C19orf25: variants seen among roughly 807,000 people sequenced by gnomAD.
The protein encoded by C19orf25 is chromosome 19 open reading frame 25.
Under a neutral mutation model 3.1 loss-of-function variants are expected in C19orf25, and 1 was observed. The observed-to-expected ratio is 0.32, with a 90% CI of 0.12 to 1.54. C19orf25 has a LOEUF of 1.54. Among genes scored for constraint, C19orf25 ranks in the 40% most tolerant of loss-of-function variants. C19orf25 has a pLI of 0.38. For synonymous variants in C19orf25, 91 were observed against 74.3 expected, an observed-to-expected ratio of 1.23 and a Z score of -1.16; for missense variants, 196 against 160.4, an observed-to-expected ratio of 1.22 and a Z score of -1.20.
rs749945455 is a variant in C19orf25 at position 1,475,282 on chromosome 19, ACTGC to A, written c.131-28_131-25del. ...GTCTGAGACAGGACACAGCAGCATC[ACTGC>A]CTGCTGACCACCCCATCCTCCTGGG... On this transcript the variant is annotated intron_variant, in intron 2 of 2. Coordinates refer to ENST00000585675, the MANE Select transcript of C19orf25 (RefSeq NM_152482.3). 1.2e-4 allele frequency: 178 copies of A among 1,524,740 alleles called. No homozygotes were observed. The African/African-American group carries it at 2.1e-3, about 18-fold the overall frequency. 94.5% of individuals were successfully genotyped at this position (1,524,740 alleles called of 1,614,324 possible).
chr19:1,477,208 G>C (rs979461545), intron 2 of C19orf25, among the ~76,000 whole-genome samples: 1 of 151,840 alleles, frequency 6.6e-6, no homozygotes, highest in Non-Finnish European at 1.5e-5. Flanking sequence ...CACCATGTTG[G>C]CCAGGGTGGC....
intron 2 of C19orf25, chr19:1,478,300 G>A (rs1168108968): frequency 9.8e-6 from 2 of 203,156 alleles, no homozygotes; most frequent in Non-Finnish European, 2.0e-5. Flanking sequence ...GAGTGCAGTG[G>A]TGCGATCTCG....
intron 2 of C19orf25, chr19:1,478,523 CTCA>C: frequency 8.3e-7 from 1 of 1,207,050 alleles, no homozygotes; most frequent in Non-Finnish European, 1.1e-6. Context: ...ATCCTCCCGC[CTCA>C]TCCTCCGAAA....
chr19:1,476,775 C>G (rs537740997), intron 2 of C19orf25, among the ~76,000 whole-genome samples: 1 of 152,160 alleles, frequency 6.6e-6, no homozygotes, highest in Non-Finnish European at 1.5e-5. Context: ...TGCCACCACA[C>G]CCAGCTAGTT....
rs370220473 is a variant in C19orf25, at chr19:1,475,165, C to T, written c.224G>A (p.Arg75Gln). Residue 75 changes from arginine (R) to glutamine (Q), a missense_variant, in exon 3 of 3, where the codon CGG becomes CAG. Transcript: ENST00000585675. ...CAGCACGTTGCCCGCCTGCTGCAGC[C>T]GCTGGTTGGCAGCCACGTAGGCCCG... is the stretch of plus-strand genomic sequence containing the variant. ...QSRAYVAANQRLQQAGNVLRQ... is the reference protein window; with the variant it reads ...QSRAYVAANQQLQQAGNVLRQ... 40 of 1,580,342 alleles carry T rather than the reference C, an allele frequency of 2.5e-5. No homozygotes were observed. Among genetic ancestry groups the T allele is most frequent in the African/African-American group, 6.7e-5 (5 of 74,100 alleles).
Position 1,474,786 on chromosome 19 carries a change from T to C in C19orf25, c.*246A>G, listed in dbSNP as rs1275940780. 3.5e-6 allele frequency: 5 copies of C among 1,436,092 alleles called. No individual in the cohort carries two copies. Among genetic ancestry groups the C allele is most frequent in the East Asian group, 2.5e-5 (1 of 39,910 alleles). 89.0% of individuals were successfully genotyped at this position (1,436,092 alleles called of 1,614,324 possible). ...AATCACAGTACAGCAATAATGTCCC[T>C]ATCCTCTTCCAGAACCCCAGTGGGG... On this transcript the variant is annotated 3_prime_UTR_variant, in exon 3 of 3. Transcript: ENST00000585675.
chr19:1,476,016 C>T (rs2084201967), intron 2 of C19orf25: 2 of 395,052 alleles, frequency 5.1e-6, no homozygotes, highest in Non-Finnish European at 8.9e-6. Context: ...GTGCAACCTC[C>T]TGGAGCACAC....
At chr19:1,476,546 G>A in intron 2 of C19orf25, 1 of 368,736 alleles carries the variant, frequency 2.7e-6, no homozygotes, top group Non-Finnish European at 4.8e-6. Context: ...TCCAGATGAT[G>A]CGCACACCTC....
At position 1,474,826 on chromosome 19, in the gene C19orf25, A is replaced by G; in HGVS notation, c.*206T>C. On this transcript the variant is annotated 3_prime_UTR_variant, in exon 3 of 3. Transcript: ENST00000585675. ...CCCCAGTGGGGCCCTCAGGTCACGC[A>G]GGACGGAGCCAGCTGGGTGGGTCCC... is the stretch of plus-strand genomic sequence containing the variant. 6.9e-7 allele frequency: 1 copy of G among 1,453,284 alleles called. No individual in the cohort carries two copies. Among genetic ancestry groups the G allele is most frequent in the Non-Finnish European group, 9.1e-7 (1 of 1,104,422 alleles). 90.0% of individuals were successfully genotyped at this position (1,453,284 alleles called of 1,614,324 possible).
chr19:1,474,865 G>A lies in C19orf25; in HGVS notation c.*167C>T, dbSNP rs1330029864. 2.0e-6 allele frequency: 3 copies of A among 1,488,516 alleles called. No homozygotes were observed. The highest frequency in any genetic ancestry group is 1.4e-5 in the African/African-American group (1 of 71,670). The allele number at this position is 1,488,516 out of a possible 1,614,324, so 92.2% of individuals were successfully genotyped here. A position where few individuals can be genotyped will look rare whatever the true frequency, so the allele number is the denominator to read the frequency against. The stretch of plus-strand genomic sequence containing the variant: ...TGGGTGGGTCCCACCAACTCGGCAT[G>A]AATGAGACGACGGATGAACCGCAGC... On this transcript the variant is annotated 3_prime_UTR_variant, in exon 3 of 3. Transcript: ENST00000585675.
Position 1,474,785 on chromosome 19 carries a change from CT to C in C19orf25, c.*246del, listed in dbSNP as rs1485657421. On this transcript the variant is annotated 3_prime_UTR_variant, in exon 3 of 3. Transcript: ENST00000585675. Reference sequence around the variant, plus strand: ...GAATCACAGTACAGCAATAATGTCCCTATCCTCTTCCAGAACCCCAGTGGGG... The same window carrying C: ...GAATCACAGTACAGCAATAATGTCCCATCCTCTTCCAGAACCCCAGTGGGG... The C allele has an allele frequency of 7.0e-7, 1 of 1,435,844 alleles. No individual in the cohort carries two copies. The highest frequency in any genetic ancestry group is 9.1e-7 in the Non-Finnish European group (1 of 1,096,374). The allele number at this position is 1,435,844 out of a possible 1,614,324, so 88.9% of individuals were successfully genotyped here.
intron 2 of C19orf25, chr19:1,476,314 G>A: frequency 7.5e-6 from 3 of 398,758 alleles, no homozygotes; most frequent in Non-Finnish European, 1.3e-5. Flanking sequence ...CAACAGGGTG[G>A]GAAAGGCCGG....
In C19orf25 at chr19:1,474,890, C is replaced by A. The variant is rs1187150791; in HGVS notation, c.*142G>T. 5 of 1,510,920 alleles carry A rather than the reference C, an allele frequency of 3.3e-6. No individual in the cohort carries two copies. The highest frequency in any genetic ancestry group is 3.5e-6 in the Non-Finnish European group (4 of 1,129,912). 93.6% of individuals were successfully genotyped at this position (1,510,920 alleles called of 1,614,324 possible). A position where few individuals can be genotyped will look rare whatever the true frequency, so the allele number is the denominator to read the frequency against. On this transcript the variant is annotated 3_prime_UTR_variant, in exon 3 of 3. Transcript: ENST00000585675. ...GAATGAGACGACGGATGAACCGCAG[C>A]CCCAGCATCAGGAGGGGCGCCTGTG...
Position 1,474,846 on chromosome 19 carries a change from G to A in C19orf25, c.*186C>T. ...CACGCAGGACGGAGCCAGCTGGGTG[G>A]GTCCCACCAACTCGGCATGAATGAG... is the stretch of plus-strand genomic sequence containing the variant. On this transcript the variant is annotated 3_prime_UTR_variant, in exon 3 of 3. Transcript: ENST00000585675. 1 of 1,471,480 alleles carries A rather than the reference G, an allele frequency of 6.8e-7. No homozygotes were observed. The highest frequency in any genetic ancestry group is 9.0e-7 in the Non-Finnish European group (1 of 1,111,694). The allele number at this position is 1,471,480 out of a possible 1,614,324, so 91.2% of individuals were successfully genotyped here.
chr19:1,474,852 A>G lies in C19orf25; in HGVS notation c.*180T>C, dbSNP rs752395405. 3.6e-5 allele frequency: 53 copies of G among 1,476,356 alleles called. No homozygotes were observed. Among genetic ancestry groups the G allele is most frequent in the Non-Finnish European group, 4.8e-5 (53 of 1,114,088 alleles). The allele number at this position is 1,476,356 out of a possible 1,614,324, so 91.5% of individuals were successfully genotyped here. ...GGACGGAGCCAGCTGGGTGGGTCCC[A>G]CCAACTCGGCATGAATGAGACGACG... On this transcript the variant is annotated 3_prime_UTR_variant, in exon 3 of 3. Coordinates refer to ENST00000585675, the MANE Select transcript of C19orf25 (RefSeq NM_152482.3).
At chr19:1,478,119 C>T (rs2084224441) in intron 2 of C19orf25, among the ~76,000 whole-genome samples, 1 of 152,162 alleles carries the variant, frequency 6.6e-6, no homozygotes, top group South Asian at 2.1e-4. Context: ...GGATTATAGG[C>T]GTGAGCCACC....
In C19orf25 at chr19:1,475,543, G is replaced by T. The variant is rs1336482016; in HGVS notation, c.131-285C>A. 2.0e-5 allele frequency: 8 copies of T among 406,872 alleles called. 1 individual carries two copies. The South Asian group carries it at 2.8e-4, about 14-fold the overall frequency. 25.2% of individuals were successfully genotyped at this position (406,872 alleles called of 1,614,324 possible). ...CCAAAAAATACAAATACAAAAATTA[G>T]CTGGGCGTGGTAGCACGCATCTGTG... On this transcript the variant is annotated intron_variant, in intron 2 of 2. Transcript: ENST00000585675.
Position 1,478,769 on chromosome 19 carries a change from C to G in C19orf25, c.130+5G>C. 1 of 1,566,492 alleles carries G rather than the reference C, an allele frequency of 6.4e-7. No individual in the cohort carries two copies. The highest frequency in any genetic ancestry group is 8.6e-7 in the Non-Finnish European group (1 of 1,156,078). ...CGCTTTTCCCCGGGACCGGGCTCCC[C>G]CTACCTTCCGGGGCCAGGATGGTGA... On this transcript the variant is annotated splice_donor_5th_base_variant and intron_variant, in intron 2 of 2. Coordinates refer to ENST00000585675, the MANE Select transcript of C19orf25 (RefSeq NM_152482.3).
chr19:1,479,064 C>T, intron 1 of C19orf25, 99 bp downstream of exon 1: 1 of 1,368,596 alleles, frequency 7.3e-7, no homozygotes, highest in East Asian at 3.0e-5. Context: ...GGCCCTGACC[C>T]TCCCTCCGCC....
Sources: allele counts gnomAD v4.1 joint callset (sites outside exome capture counted in the v4.1 genomes callset), GRCh38; gene constraint gnomAD v4.1.1; transcripts MANE v1.5; gene names NCBI Gene and HGNC (gene_info 2026-07-23, HGNC 2026-07-21).